The following MGAT4C variants were observed in gnomAD, a reference collection of about 807,000 sequenced individuals.
MGAT4C encodes the protein MGAT4 family member C.
MGAT4C carries 19 observed loss-of-function variants against 40.1 expected under a neutral mutation model. The ratio of observed to expected loss-of-function variants is 0.47; its 90% CI spans 0.33 to 0.70. The LOEUF is 0.70. Ranked by LOEUF, MGAT4C falls within the 30% of genes least tolerant of loss-of-function variation. The pLI, the probability that MGAT4C is intolerant of heterozygous loss-of-function variation, is 0.02. For synonymous variants in MGAT4C, 181 were observed against 187.1 expected, an observed-to-expected ratio of 0.97 and a Z score of 0.27; for missense variants, 491 against 563.2, an observed-to-expected ratio of 0.87 and a Z score of 1.30.
intron 1 of MGAT4C, among the ~76,000 whole-genome samples, chr12:86,171,427 G>A (rs1417788166): frequency 3.3e-5 from 5 of 152,106 alleles, no homozygotes; most frequent in Non-Finnish European, 7.4e-5. Flanking sequence ...GATACAACAT[G>A]CAGATAAATA....
Position 86,318,023 on chromosome 12 carries a change from G to T in MGAT4C, c.-57+16042C>A, listed in dbSNP as rs1055002492. Among the ~76,000 whole-genome samples the T allele has an allele frequency of 2.6e-5, 4 of 151,668 alleles. 1 individual carries two copies. The highest frequency in any genetic ancestry group is 2.6e-4 in the Admixed American group (4 of 15,198). ...AAGCAACAAATTTAACTTAACTCAAGGCAAAATAAGGCCTTATATTAAATT... is the reference window on the plus strand; with the variant it reads ...AAGCAACAAATTTAACTTAACTCAATGCAAAATAAGGCCTTATATTAAATT... On this transcript the variant is annotated intron_variant, in intron 4 of 7. Coordinates refer to the MGAT4C transcript ENST00000548651.
chr12:86,121,531 G>T (rs1219151478), intron 1 of MGAT4C, among the ~76,000 whole-genome samples: 1 of 152,200 alleles, frequency 6.6e-6, no homozygotes, highest in Non-Finnish European at 1.5e-5. Context: ...AAACCCATCA[G>T]ACTAACAGTG....
At chr12:86,556,585 C>A (rs763888867) in intron 2 of MGAT4C, among the ~76,000 whole-genome samples, 1 of 151,892 alleles carries the variant, frequency 6.6e-6, no homozygotes, top group African/African-American at 2.4e-5. Context: ...TTATCTATAC[C>A]CAAAATGAGG....
chr12:86,037,266 G>A (rs1391899096), intron 2 of MGAT4C, among the ~76,000 whole-genome samples: 1 of 149,374 alleles, frequency 6.7e-6, no homozygotes, highest in Non-Finnish European at 1.5e-5. Context: ...ATTTTTTGAA[G>A]AGTTTTTCGT....
At chr12:85,986,795 T>A (rs1452667104) in intron 3 of MGAT4C, among the ~76,000 whole-genome samples, 1 of 151,950 alleles carries the variant, frequency 6.6e-6, no homozygotes, top group East Asian at 1.9e-4. Flanking sequence ...TAAACACAGG[T>A]AAAAAGATCA....
intron 2 of MGAT4C, among the ~76,000 whole-genome samples, chr12:86,001,156 A>G (rs1483322524): frequency 6.6e-6 from 1 of 152,146 alleles, no homozygotes; most frequent in East Asian, 1.9e-4. Context: ...CAGGTAATAT[A>G]TGATCACCCT....
intron 2 of MGAT4C, among the ~76,000 whole-genome samples, chr12:86,004,281 T>C (rs1466733954): frequency 2.0e-5 from 3 of 152,170 alleles, no homozygotes; most frequent in African/African-American, 7.2e-5. Flanking sequence ...ATTTTAGAAA[T>C]CATATAAATT....
chr12:86,336,731 T>G (rs888329350), intron 3 of MGAT4C, among the ~76,000 whole-genome samples: 1 of 151,998 alleles, frequency 6.6e-6, no homozygotes, highest in Non-Finnish European at 1.5e-5. Flanking sequence ...CATTACAGTA[T>G]GAAGACAAGA....
chr12:86,209,612 A>T (rs1950382498), intron 1 of MGAT4C, among the ~76,000 whole-genome samples: 1 of 152,188 alleles, frequency 6.6e-6, no homozygotes, highest in Admixed American at 6.5e-5. Context: ...CTAAACAAGC[A>T]GATCAATCTA....
intron 2 of MGAT4C, among the ~76,000 whole-genome samples, chr12:86,648,312 T>A (rs1356922896): frequency 6.6e-6 from 1 of 151,980 alleles, no homozygotes; most frequent in African/African-American, 2.4e-5. Flanking sequence ...AATATTTTAA[T>A]GTTATAATTC....
chr12:86,335,317 C>T (rs181817432), intron 3 of MGAT4C, among the ~76,000 whole-genome samples: 297 of 152,180 alleles, frequency 2.0e-3, no homozygotes, highest in African/African-American at 7.1e-3. Context: ...TCTCTCTGCA[C>T]CTTGCTAGTT....
rs1213074046 is a variant in MGAT4C at position 85,970,090 on chromosome 12, G to A, written c.*9199C>T. 6.6e-6 allele frequency: 1 copy of A among 151,114 alleles called. No individual in the cohort carries two copies. Among genetic ancestry groups the A allele is most frequent in the Non-Finnish European group, 1.5e-5 (1 of 67,374 alleles). The allele number at this position is 151,114 out of a possible 1,614,324, so 9.4% of individuals were successfully genotyped here. ...CTAGATAATTTAGTCTCACTCTGTG[G>A]CCTTTACCCTTCAATAAATATGGAT... On this transcript the variant is annotated 3_prime_UTR_variant, in exon 5 of 5. Transcript: ENST00000611864.
chr12:86,719,196 C>A (rs1469034482), intron 2 of MGAT4C, among the ~76,000 whole-genome samples: 1 of 152,168 alleles, frequency 6.6e-6, no homozygotes, highest in Non-Finnish European at 1.5e-5. Context: ...ACTTTCACTA[C>A]GTGCAAAATA....
intron 2 of MGAT4C, among the ~76,000 whole-genome samples, chr12:86,621,435 G>T (rs116972379): frequency 1.3e-5 from 2 of 152,066 alleles, no homozygotes; most frequent in Non-Finnish European, 2.9e-5. Context: ...AGTATAGATG[G>T]TTCCTGAATT....
intron 1 of MGAT4C, among the ~76,000 whole-genome samples, chr12:86,243,653 C>T (rs1415262419): frequency 6.6e-6 from 1 of 152,174 alleles, no homozygotes; most frequent in Non-Finnish European, 1.5e-5. Context: ...TGGTATCCTA[C>T]TGATGGCCAT....
intron 2 of MGAT4C, among the ~76,000 whole-genome samples, chr12:86,708,316 T>G (rs1469833778): frequency 6.6e-6 from 1 of 152,200 alleles, no homozygotes; most frequent in Non-Finnish European, 1.5e-5. Context: ...AGCACAGAAG[T>G]CAAGAATTGG....
chr12:86,712,445 C>T (rs1444364918), intron 2 of MGAT4C, among the ~76,000 whole-genome samples: 5 of 151,888 alleles, frequency 3.3e-5, no homozygotes, highest in African/African-American at 1.2e-4. Flanking sequence ...AGGAGAAACT[C>T]AAAAAACGTG....
At chr12:86,427,946 G>C (rs1956960935) in intron 3 of MGAT4C, among the ~76,000 whole-genome samples, 1 of 152,046 alleles carries the variant, frequency 6.6e-6, no homozygotes, top group Non-Finnish European at 1.5e-5. Flanking sequence ...CTTGAACCCG[G>C]GAGGCAGAGG....
At chr12:86,688,157 C>CTTTTT (rs55637680) in intron 2 of MGAT4C, among the ~76,000 whole-genome samples, 44 of 65,230 alleles carry the variant, frequency 6.7e-4, no homozygotes, top group African/African-American at 9.6e-4. Flanking sequence ...GCAACCCCTG[C>CTTTTT]TTTTTTTTTT....
Sources: gnomAD v4.1 joint callset for allele counts (sites outside exome capture counted in the v4.1 genomes callset) on GRCh38, gnomAD v4.1.1 for gene constraint, MANE v1.5 for transcripts, NCBI Gene and HGNC (gene_info 2026-07-23, HGNC 2026-07-21) for gene names.